RNF32: variants seen among roughly 807,000 people sequenced by gnomAD.
RNF32 encodes the protein ring finger protein 32.
Under a neutral mutation model 41.0 loss-of-function variants are expected in RNF32, and 36 were observed. That is an observed-to-expected ratio of 0.88 (90% CI 0.67 to 1.16). RNF32 has a LOEUF of 1.16. Among genes scored for constraint, RNF32 ranks in the 50% most tolerant of loss-of-function variants. The pLI is 0.00. For missense variants in RNF32, 413 were observed against 436.7 expected (o/e 0.95, Z 0.48); for synonymous variants, 154 against 160.9 (o/e 0.96, Z 0.32).
chr7:156,657,104 C>T (rs982703160), intron 4 of RNF32, among the ~76,000 whole-genome samples: 1 of 152,194 alleles, frequency 6.6e-6, no homozygotes, highest in African/African-American at 2.4e-5. Context: ...AGAATTATAT[C>T]TCAGTAGAGC....
At chr7:156,659,705 G>C (rs1800314203) in intron 7 of RNF32, 1 of 850,704 alleles carries the variant, frequency 1.2e-6, no homozygotes, top group Middle Eastern at 6.1e-4. Flanking sequence ...GGTGGTCTCA[G>C]CCCATTGAAC....
intron 3 of RNF32, among the ~76,000 whole-genome samples, chr7:156,645,342 G>A (rs1797845994): frequency 6.6e-6 from 1 of 152,188 alleles, no homozygotes; most frequent in East Asian, 1.9e-4. Flanking sequence ...AGCATCATGT[G>A]TCTCCTGCTG....
At chr7:156,652,303 G>T (rs73741244) in intron 3 of RNF32, among the ~76,000 whole-genome samples, 1 of 151,916 alleles carries the variant, frequency 6.6e-6, no homozygotes, top group Non-Finnish European at 1.5e-5. Flanking sequence ...TCACAGTGAC[G>T]GGATTCGATG....
upstream of RNF32, chr7:156,640,706 C>G (rs1797163355): frequency 3.6e-6 from 1 of 277,744 alleles, no homozygotes. Flanking sequence ...CCGCGGGGAG[C>G]GAGCGCGGAG....
intron 6 of RNF32, 76 bp from the exon 7 acceptor site, chr7:156,658,386 G>T: frequency 1.3e-6 from 2 of 1,513,944 alleles, no homozygotes; most frequent in African/African-American, 1.4e-5. Context: ...ACAGCACAGG[G>T]CTTATAACAA....
chr7:156,652,531 G>A (rs1477108176), intron 3 of RNF32, among the ~76,000 whole-genome samples: 1 of 152,004 alleles, frequency 6.6e-6, no homozygotes, highest in East Asian at 1.9e-4. Flanking sequence ...TTACAGTCAC[G>A]TGCCACATAG....
intron 7 of RNF32, among the ~76,000 whole-genome samples, chr7:156,666,816 T>C (rs1435567658): frequency 6.6e-6 from 1 of 152,190 alleles, no homozygotes; most frequent in African/African-American, 2.4e-5. Context: ...TTGATCCTTA[T>C]CTAGAAACTC....
At chr7:156,662,610 C>A (rs536268954) in intron 7 of RNF32, among the ~76,000 whole-genome samples, 8 of 151,618 alleles carry the variant, frequency 5.3e-5, no homozygotes, top group African/African-American at 1.9e-4. Flanking sequence ...TGACCTGGGA[C>A]GTTGGTTTTC....
chr7:156,640,562 C>A (rs757768635), upstream of RNF32: 3 of 392,766 alleles, frequency 7.6e-6, no homozygotes, highest in South Asian at 5.4e-5. Context: ...ACGCCGTGCG[C>A]GGGGCGGGGG....
intron 7 of RNF32, among the ~76,000 whole-genome samples, chr7:156,671,816 C>T (rs1007303814): frequency 6.6e-6 from 1 of 150,868 alleles, no homozygotes; most frequent in Non-Finnish European, 1.5e-5. Context: ...TCCCTGACCA[C>T]GGTGCAGCTG....
chr7:156,658,146 GA>G lies in RNF32; in HGVS notation c.473del (p.Lys158SerfsTer20), dbSNP rs1800020050. ...VFHKACLQAF[E>X]KFTNKKTCPL... ...TCTTCAGGCATGTCTTCAGGCTTTT[GA>G]AAAGTTCACAAATAAGAAAACCTGT... On this transcript the variant is annotated frameshift_variant, in exon 6 of 9. Coordinates refer to ENST00000317955, the MANE Select transcript of RNF32 (RefSeq NM_030936.4). LOFTEE classifies it high-confidence loss of function. The G allele has an allele frequency of 6.2e-7, 1 of 1,613,760 alleles. No individual in the cohort carries two copies. Among genetic ancestry groups the G allele is most frequent in the South Asian group, 1.1e-5 (1 of 91,052 alleles).
At chr7:156,652,693 TAAAAA>T (rs199707673) in intron 3 of RNF32, among the ~76,000 whole-genome samples, 21 of 148,016 alleles carry the variant, frequency 1.4e-4, no homozygotes, top group Admixed American at 2.7e-4. Context: ...ACAAAAAAGT[TAAAAA>T]AAAAAGATTT....
intron 4 of RNF32, among the ~76,000 whole-genome samples, chr7:156,655,377 G>A (rs1039151805): frequency 1.3e-5 from 2 of 152,088 alleles, no homozygotes; most frequent in Non-Finnish European, 1.5e-5. Context: ...CTGAAGTTGG[G>A]GACACTTAGA....
intron 7 of RNF32, among the ~76,000 whole-genome samples, chr7:156,673,364 T>C (rs1803012156): frequency 6.6e-6 from 1 of 152,250 alleles, no homozygotes; most frequent in Non-Finnish European, 1.5e-5. Flanking sequence ...TTTTTCCTTT[T>C]ACAATGTATA....
intron 1 of RNF32, among the ~76,000 whole-genome samples, chr7:156,642,050 C>T (rs987738814): frequency 6.6e-6 from 1 of 152,272 alleles, no homozygotes; most frequent in African/African-American, 2.4e-5. Context: ...TTTGTTCTTT[C>T]GGTTGGAGTA....
chr7:156,660,307 C>T (rs1800435648), intron 7 of RNF32: 1 of 982,018 alleles, frequency 1.0e-6, no homozygotes, highest in South Asian at 4.7e-5. Flanking sequence ...TTAAACAACA[C>T]CATCTAAGAG....
rs776495880 is a variant in RNF32, at chr7:156,675,863, G to A, written c.852G>A (p.Gln284=). ...TEEEWEKIQV[Q]ALRRETHECS... The stretch of plus-strand genomic sequence containing the variant: ...AGGAATGGGAGAAAATCCAAGTGCA[G>A]GTAGGTTTGGCTGGCAGCCTGGCAA... Residue 284 remains glutamine, a splice_region_variant and synonymous_variant, in exon 8 of 9, where the codon CAG becomes CAA. Transcript: ENST00000317955. The A allele has an allele frequency of 6.2e-7, 1 of 1,611,474 alleles. No individual in the cohort carries two copies. The highest frequency in any genetic ancestry group is 1.1e-5 in the South Asian group (1 of 91,050).
Position 156,661,426 on chromosome 7 carries a change from TCTC to T in RNF32, c.684+2859_684+2861del, listed in dbSNP as rs1304636365. Among the ~76,000 whole-genome samples the T allele has an allele frequency of 2.0e-5, 3 of 152,062 alleles. No homozygotes were observed. The East Asian group carries it at 5.8e-4, about 29-fold the overall frequency. On this transcript the variant is annotated intron_variant, in intron 7 of 8. Transcript: ENST00000317955. ...CCATCGTTTCCCGAGTTCAAGCAAT[TCTC>T]CTATCTCAACCTCTTGAGTAGCTGG...
At chr7:156,644,806 T>C (rs751258772) in intron 3 of RNF32, 49 bp downstream of exon 3, 10 of 1,543,026 alleles carry the variant, frequency 6.5e-6, no homozygotes, top group South Asian at 2.4e-5. Context: ...GCTAAAAAAA[T>C]CTATTGAGAT....
Sources: gnomAD v4.1 joint callset for allele counts (sites outside exome capture counted in the v4.1 genomes callset) on GRCh38, gnomAD v4.1.1 for gene constraint, MANE v1.5 for transcripts, NCBI Gene and HGNC (gene_info 2026-07-23, HGNC 2026-07-21) for gene names.